CDH8: variants seen among roughly 807,000 people sequenced by gnomAD.
The protein encoded by CDH8 is cadherin 8, also known as cadherin-8.
Under a neutral mutation model 68.1 loss-of-function variants are expected in CDH8, and 17 were observed. The observed-to-expected ratio is 0.25, with a 90% CI of 0.17 to 0.37. CDH8 has a LOEUF of 0.37. Ranked by LOEUF, CDH8 falls within the 10% of genes least tolerant of loss-of-function variation. CDH8 has a pLI of 1.00. For missense variants in CDH8, 763 were observed against 999.3 expected (o/e 0.76, Z 3.19); for synonymous variants, 372 against 365.1 (o/e 1.02, Z -0.21).
intron 10 of CDH8, among the ~76,000 whole-genome samples, chr16:61,666,543 C>G (rs990841845): frequency 5.9e-5 from 9 of 151,840 alleles, no homozygotes; most frequent in African/African-American, 2.2e-4. Flanking sequence ...TAGATGCAAA[C>G]AAGAAGAAAA....
chr16:61,981,688 G>A (rs1038793634), intron 2 of CDH8, among the ~76,000 whole-genome samples: 2 of 152,102 alleles, frequency 1.3e-5, no homozygotes, highest in East Asian at 1.9e-4. Flanking sequence ...GTGTGCGCGC[G>A]CGCGCGTGCG....
At chr16:62,022,879 T>C (rs1902106687) in intron 1 of CDH8, among the ~76,000 whole-genome samples, 1 of 152,024 alleles carries the variant, frequency 6.6e-6, no homozygotes, top group Non-Finnish European at 1.5e-5. Context: ...TGTCATTCTT[T>C]GCCTGGGCTC....
chr16:61,866,667 G>T (rs892011316), intron 3 of CDH8, among the ~76,000 whole-genome samples: 2 of 151,854 alleles, frequency 1.3e-5, no homozygotes, highest in Non-Finnish European at 1.5e-5. Context: ...TCTACATCAT[G>T]ACTTAACACC....
At chr16:61,768,363 T>G (rs60977971) in intron 8 of CDH8, among the ~76,000 whole-genome samples, 2 of 104,584 alleles carry the variant, frequency 1.9e-5, no homozygotes, top group Admixed American at 1.0e-4. Flanking sequence ...TCTCTCTCTC[T>G]CTCTCCCTTT....
intron 1 of CDH8, among the ~76,000 whole-genome samples, chr16:62,032,291 C>A (rs1902345879): frequency 6.6e-6 from 1 of 151,970 alleles, no homozygotes; most frequent in Non-Finnish European, 1.5e-5. Flanking sequence ...TAAATGAGTT[C>A]GTTATCTGGG....
chr16:61,789,715 T>C (rs1274771730), intron 7 of CDH8, among the ~76,000 whole-genome samples: 1 of 152,070 alleles, frequency 6.6e-6, no homozygotes. Flanking sequence ...TAAACTGCCA[T>C]CAGTTTCAAT....
intron 4 of CDH8, among the ~76,000 whole-genome samples, chr16:61,841,603 T>C (rs1476345495): frequency 6.6e-6 from 1 of 152,158 alleles, no homozygotes; most frequent in East Asian, 1.9e-4. Flanking sequence ...TACTATTTGA[T>C]AGCACAATAG....
chr16:61,865,692 C>T (rs751409744), intron 3 of CDH8, among the ~76,000 whole-genome samples: 1 of 152,028 alleles, frequency 6.6e-6, no homozygotes, highest in South Asian at 2.1e-4. Flanking sequence ...GGAATTGGGG[C>T]GGTTCTATTT....
At chr16:61,985,047 C>A (rs1224285226) in intron 2 of CDH8, among the ~76,000 whole-genome samples, 1 of 151,760 alleles carries the variant, frequency 6.6e-6, no homozygotes, top group African/African-American at 2.4e-5. Context: ...GTATATATTC[C>A]CTTTACAATG....
At chr16:61,985,001 TA>T (rs1452710207) in intron 2 of CDH8, among the ~76,000 whole-genome samples, 1 of 152,194 alleles carries the variant, frequency 6.6e-6, no homozygotes, top group Non-Finnish European at 1.5e-5. Context: ...AATCCAGGTA[TA>T]ATATCTGCCT....
chr16:61,655,937 A>T (rs1043483345), intron 10 of CDH8, among the ~76,000 whole-genome samples: 2 of 146,220 alleles, frequency 1.4e-5, no homozygotes. Context: ...CAGTGGCGCT[A>T]TCTCGGCTCA....
intron 4 of CDH8, among the ~76,000 whole-genome samples, chr16:61,844,570 G>A (rs1016808573): frequency 5.3e-5 from 8 of 152,134 alleles, no homozygotes; most frequent in Non-Finnish European, 7.4e-5. Flanking sequence ...TAGAGTTCAC[G>A]TGAAATGTAA....
At chr16:62,021,083 G>T (rs1597130941) in intron 2 of CDH8, 69 bp downstream of exon 2, 2 of 1,328,568 alleles carry the variant, frequency 1.5e-6, no homozygotes, top group East Asian at 2.3e-5. Context: ...CAATTAAAAA[G>T]AGTCTGGTAT....
intron 1 of CDH8, among the ~76,000 whole-genome samples, chr16:62,035,758 AT>A (rs1201990287): frequency 6.6e-6 from 1 of 152,120 alleles, no homozygotes; most frequent in East Asian, 2.0e-4. Flanking sequence ...AAGCGGCGAA[AT>A]AGCCAAGTCG....
chr16:61,950,937 T>G (rs1227287018), intron 2 of CDH8, among the ~76,000 whole-genome samples: 2 of 152,210 alleles, frequency 1.3e-5, no homozygotes, highest in South Asian at 2.1e-4. Context: ...AAGATAACTC[T>G]TGGGTACCAG....
Position 61,939,735 on chromosome 16 carries a change from T to A in CDH8, c.253-38262A>T, listed in dbSNP as rs925122124. ...ATGCAAATAGATCTGCCTCTCCTGC[T>A]ACACATAAAGTTAGAGAAAAGGGTA... is the stretch of plus-strand genomic sequence containing the variant. On this transcript the variant is annotated intron_variant, in intron 2 of 11. Coordinates refer to ENST00000577390, the MANE Select transcript of CDH8 (RefSeq NM_001796.5). 2.0e-5 allele frequency among the ~76,000 whole-genome samples: 3 copies of A among 152,206 alleles called. No homozygotes were observed. In the South Asian group the frequency reaches 6.2e-4, roughly 31 times the overall value.
At chr16:61,915,302 A>G (rs1407344678) in intron 2 of CDH8, among the ~76,000 whole-genome samples, 2 of 152,186 alleles carry the variant, frequency 1.3e-5, no homozygotes, top group African/African-American at 4.8e-5. Flanking sequence ...ATACTAATTG[A>G]GAGTATCCCT....
At chr16:61,715,408 C>T (rs1325745077) in intron 9 of CDH8, among the ~76,000 whole-genome samples, 1 of 151,496 alleles carries the variant, frequency 6.6e-6, no homozygotes, top group East Asian at 1.9e-4. Context: ...GTCTCTGAAA[C>T]TTCAATTTCT....
intron 2 of CDH8, among the ~76,000 whole-genome samples, chr16:61,905,941 G>A (rs142338873): frequency 3.0e-4 from 45 of 152,022 alleles, no homozygotes; most frequent in African/African-American, 1.0e-3. Flanking sequence ...CTCAACATTG[G>A]AGAAAATGTG....
Sources: gnomAD v4.1 joint callset for allele counts (sites outside exome capture counted in the v4.1 genomes callset) on GRCh38, gnomAD v4.1.1 for gene constraint, MANE v1.5 for transcripts, NCBI Gene and HGNC (gene_info 2026-07-23, HGNC 2026-07-21) for gene names.